DNAH11: variants seen among roughly 807,000 people sequenced by gnomAD.
The protein encoded by DNAH11 is dynein axonemal heavy chain 11, also known as axonemal beta dynein heavy chain 11.
DNAH11 carries 442 observed loss-of-function variants against 526.0 expected under a neutral mutation model. That is an observed-to-expected ratio of 0.84 (90% CI 0.78 to 0.91). The LOEUF (loss-of-function observed/expected upper bound fraction) is 0.91, where lower values mean the gene tolerates loss of function less well. Among genes scored for constraint, DNAH11 ranks in the 40% least tolerant of loss-of-function variants. The pLI is 0.00. For synonymous variants in DNAH11, 2,461 were observed against 1,935.9 expected (o/e 1.27, Z -7.12); for missense variants, 6,989 against 5,448.7 (o/e 1.28, Z -8.90).
intron 25 of DNAH11, among the ~76,000 whole-genome samples, chr7:21,626,900 G>A (rs925672921): frequency 2.6e-5 from 4 of 151,658 alleles, no homozygotes; most frequent in Non-Finnish European, 5.9e-5. Context: ...ACAGGCGCCC[G>A]CCACCATGCC....
chr7:21,585,486 C>A (rs113999342), intron 9 of DNAH11, among the ~76,000 whole-genome samples: 6,165 of 152,242 alleles, frequency 0.04, 136 homozygotes, highest in South Asian at 0.062. Flanking sequence ...GCTATTGTCA[C>A]AGACATGGCC....
At chr7:21,758,117 G>T (rs1446659040) in intron 54 of DNAH11, among the ~76,000 whole-genome samples, 1 of 152,172 alleles carries the variant, frequency 6.6e-6, no homozygotes, top group Non-Finnish European at 1.5e-5. Flanking sequence ...TCTAACAACT[G>T]GCTTGCCCAG....
At chr7:21,656,699 A>G (rs1295235744) in intron 29 of DNAH11, among the ~76,000 whole-genome samples, 5 of 152,134 alleles carry the variant, frequency 3.3e-5, no homozygotes, top group Non-Finnish European at 7.4e-5. Flanking sequence ...TCTAGTGGAG[A>G]ACCATTTGGG....
At chr7:21,569,559 A>G (rs761821329) in intron 6 of DNAH11, among the ~76,000 whole-genome samples, 26 of 152,152 alleles carry the variant, frequency 1.7e-4, no homozygotes, top group Non-Finnish European at 8.8e-5. Flanking sequence ...TATGTCCTAT[A>G]ATGTTACTTG....
At chr7:21,765,380 G>A (rs757947069) in intron 54 of DNAH11, 48 bp from the exon 55 acceptor site, 1 of 1,610,784 alleles carries the variant, frequency 6.2e-7, no homozygotes, top group African/African-American at 1.3e-5. Context: ...GTAATTCTCT[G>A]CTCATTCATC....
Position 21,570,234 on chromosome 7 carries a change from G to C in DNAH11, c.1360G>C (p.Asp454His). ...YFMGRKLRPW[D>H]FQSHLVFCRF... ...TATGGGAAGAAAGCTGAGACCATGG[G>C]ATTTCCAGTCTCATCTGGTGTTTTG... Residue 454 changes from aspartate to histidine, a missense_variant, in exon 7 of 82, where the codon GAT (aspartate) becomes CAT (histidine). Coordinates refer to ENST00000409508, the MANE Select transcript of DNAH11 (RefSeq NM_001277115.2). The C allele has an allele frequency of 6.2e-7, 1 of 1,613,336 alleles. No homozygotes were observed. The highest frequency in any genetic ancestry group is 8.5e-7 in the Non-Finnish European group (1 of 1,179,710).
intron 53 of DNAH11, among the ~76,000 whole-genome samples, 195 bp from the exon 54 acceptor site, chr7:21,750,027 A>G (rs1195302200): frequency 6.6e-6 from 1 of 152,228 alleles, no homozygotes; most frequent in East Asian, 1.9e-4. Flanking sequence ...ACGGGTGTAG[A>G]GGGTGTGTTC....
intron 63 of DNAH11, among the ~76,000 whole-genome samples, chr7:21,810,918 A>G (rs1156997684): frequency 6.6e-6 from 1 of 152,188 alleles, no homozygotes; most frequent in African/African-American, 2.4e-5. Context: ...TGATCCAGAA[A>G]TTCTACTTCT....
chr7:21,869,098 A>C, intron 73 of DNAH11, 107 bp downstream of exon 73: 1 of 1,495,480 alleles, frequency 6.7e-7, no homozygotes, highest in Non-Finnish European at 9.0e-7. Flanking sequence ...GTGCATGGCG[A>C]TTTGCAGAGT....
At position 21,880,816 on chromosome 7, in the gene DNAH11, C is replaced by T. The variant is rs775230957; in HGVS notation, c.12310C>T (p.Arg4104Ter). ...RLRFGPQGWSRSYPFNPGDLT... is the reference protein window; with the variant it reads ...RLRFGPQGWS The stretch of plus-strand genomic sequence containing the variant: ...GAGGTTTGGCCCCCAGGGCTGGAGC[C>T]GAAGCTATCCTTTTAATCCTGGAGA... The change falls in exon 75 of 82, where the codon CGA becomes TGA. Residue 4104 changes from arginine (R) to a stop codon, truncating the protein, a stop_gained. Coordinates refer to ENST00000409508, the MANE Select transcript of DNAH11 (RefSeq NM_001277115.2). LOFTEE classifies it high-confidence loss of function. 4.3e-6 allele frequency: 7 copies of T among 1,613,938 alleles called. No individual in the cohort carries two copies. In the East Asian group the frequency reaches 1.3e-4, roughly 31 times the overall value.
At chr7:21,642,254 A>G (rs1413226067) in intron 28 of DNAH11, among the ~76,000 whole-genome samples, 4 of 127,582 alleles carry the variant, frequency 3.1e-5, no homozygotes, top group African/African-American at 8.2e-5. Context: ...CTAAAGGTCT[A>G]TCATTAGAAG....
intron 65 of DNAH11, among the ~76,000 whole-genome samples, chr7:21,823,304 G>A (rs1790134390): frequency 6.6e-6 from 1 of 151,796 alleles, no homozygotes; most frequent in Non-Finnish European, 1.5e-5. Context: ...AGCCTCATTT[G>A]TTTCCCCATC....
At chr7:21,579,065 C>T (rs998456105) in intron 8 of DNAH11, among the ~76,000 whole-genome samples, 1 of 152,158 alleles carries the variant, frequency 6.6e-6, no homozygotes, top group South Asian at 2.1e-4. Context: ...CACTTGCCTC[C>T]AAACTGCTCC....
intron 51 of DNAH11, among the ~76,000 whole-genome samples, chr7:21,746,575 C>G (rs1583653952): frequency 6.6e-6 from 1 of 151,930 alleles, no homozygotes; most frequent in Non-Finnish European, 1.5e-5. Context: ...TGCACTCTAG[C>G]CTAAGCAACA....
rs727505321 is a variant in DNAH11 at position 21,704,597 on chromosome 7, G to A, written c.6437G>A (p.Arg2146His). The A allele has an allele frequency of 1.1e-4, 170 of 1,608,532 alleles. No individual in the cohort carries two copies. The highest frequency in any genetic ancestry group is 1.3e-4 in the Non-Finnish European group (151 of 1,178,340). Residue 2146 changes from arginine (R) to histidine (H), a missense_variant, in exon 38 of 82, where the codon CGC becomes CAC. Transcript: ENST00000409508. ...GTCAGGCAGTCTACCCTGGAGCTCC[G>A]CCTGCAGCCTGAAGAGAGCTTCATC... is the stretch of plus-strand genomic sequence containing the variant. ...QMVRQSTLEL[R>H]LQPEESFILK... is the part of the protein sequence containing the mutation.
intron 61 of DNAH11, among the ~76,000 whole-genome samples, chr7:21,789,820 C>CTTTCTTTCTTT (rs1788382798): frequency 4.7e-5 from 4 of 85,926 alleles, no homozygotes; most frequent in East Asian, 5.9e-4. Context: ...TTCTTTCTTT[C>CTTTCTTTCTTT]TTTCTTTCTT....
intron 75 of DNAH11, among the ~76,000 whole-genome samples, chr7:21,881,948 A>T (rs1783938256): frequency 7.0e-6 from 1 of 143,682 alleles, no homozygotes; most frequent in Non-Finnish European, 1.5e-5. Flanking sequence ...GAATTAAGTA[A>T]TTCTGAATAC....
At chr7:21,554,216 C>T (rs911870178) in intron 2 of DNAH11, among the ~76,000 whole-genome samples, 6 of 146,382 alleles carry the variant, frequency 4.1e-5, no homozygotes, top group Non-Finnish European at 8.9e-5. Context: ...CTCTGTTGCG[C>T]AAGCTGGAGT....
At chr7:21,730,142 A>G (rs1785313851) in intron 45 of DNAH11, among the ~76,000 whole-genome samples, 1 of 152,208 alleles carries the variant, frequency 6.6e-6, no homozygotes, top group Admixed American at 6.5e-5. Flanking sequence ...ATCCTAAGGA[A>G]ACAAAATTAG....
Sources: gnomAD v4.1 joint callset for allele counts (sites outside exome capture counted in the v4.1 genomes callset) on GRCh38, gnomAD v4.1.1 for gene constraint, MANE v1.5 for transcripts, NCBI Gene and HGNC (gene_info 2026-07-23, HGNC 2026-07-21) for gene names.